The following COL5A2 variants were observed in gnomAD, a reference collection of about 807,000 sequenced individuals.
COL5A2 encodes the protein collagen type V alpha 2 chain.
COL5A2 carries 23 observed loss-of-function variants against 208.2 expected under a neutral mutation model. That is an observed-to-expected ratio of 0.11 (90% confidence interval 0.08 to 0.16). COL5A2 has a LOEUF of 0.16. COL5A2 is among the 10% of genes least tolerant of loss of function. COL5A2 has a pLI of 1.00. For synonymous variants in COL5A2, 625 were observed against 628.5 expected (o/e 0.99, Z 0.08); for missense variants, 1,590 against 1,956.4 (o/e 0.81, Z 3.53).
the COL5A2 span, among the ~76,000 whole-genome samples, chr2:189,242,561 G>T: frequency 1.3e-5 from 2 of 152,056 alleles, no homozygotes; most frequent in East Asian, 3.9e-4. Context: ...AACCCCATCT[G>T]CCCAAACCCT....
the COL5A2 span, among the ~76,000 whole-genome samples, chr2:189,238,789 G>A: frequency 5.9e-5 from 9 of 152,004 alleles, no homozygotes; most frequent in Admixed American, 5.9e-4. Flanking sequence ...AACAGCATGG[G>A]GGAAATGGCC....
intron 1 of COL5A2, among the ~76,000 whole-genome samples, chr2:189,166,387 C>T (rs561629776): frequency 1.2e-4 from 19 of 152,006 alleles, no homozygotes; most frequent in Admixed American, 1.1e-3. Context: ...CAGAGAACTA[C>T]CTATTCTGAA....
intron 13 of COL5A2, among the ~76,000 whole-genome samples, chr2:189,080,250 C>T (rs968888086): frequency 9.2e-5 from 14 of 152,148 alleles, no homozygotes; most frequent in African/African-American, 3.4e-4. Context: ...TTGCAGTGTT[C>T]TCACCCTTCA....
At position 189,050,658 on chromosome 2, in the gene COL5A2, CA is replaced by C; in HGVS notation, c.2949del (p.Gly984ValfsTer36). ...CTCTGCCCGGTCGTTCCAGCTGGAC[CA>C]GGGGGGCCATCTGGACCCTAATGTT... ...EDGQPGPDGP[P>X]GPAGTTGQRG... is the part of the protein sequence containing the mutation. On this transcript the variant is annotated frameshift_variant, in exon 43 of 54. Transcript: ENST00000374866. LOFTEE classifies it high-confidence loss of function. The C allele has an allele frequency of 6.4e-7, 1 of 1,552,248 alleles. No individual in the cohort carries two copies. The highest frequency in any genetic ancestry group is 2.4e-5 in the East Asian group (1 of 40,942).
chr2:189,396,689 A>G, the COL5A2 span, among the ~76,000 whole-genome samples: 1 of 126,182 alleles, frequency 7.9e-6, no homozygotes, highest in Non-Finnish European at 1.7e-5. Context: ...AAAAAAAAAA[A>G]AAGAATAAAT....
the COL5A2 span, among the ~76,000 whole-genome samples, chr2:189,256,615 G>T: frequency 2.6e-5 from 4 of 152,058 alleles, no homozygotes; most frequent in Admixed American, 6.5e-5. Flanking sequence ...AGGAAAATCT[G>T]GAGATCTTTG....
At chr2:189,257,955 A>C in the COL5A2 span, among the ~76,000 whole-genome samples, 4 of 152,078 alleles carry the variant, frequency 2.6e-5, no homozygotes, top group Non-Finnish European at 1.5e-5. Context: ...TCTACTAAAA[A>C]TACAAAAAAT....
chr2:189,108,941 T>C (rs1283304247), intron 2 of COL5A2, among the ~76,000 whole-genome samples: 1 of 149,214 alleles, frequency 6.7e-6, no homozygotes, highest in East Asian at 2.0e-4. Flanking sequence ...TTTATAGCCT[T>C]CTTTCTTAAA....
At chr2:189,364,356 A>G in the COL5A2 span, among the ~76,000 whole-genome samples, 39 of 152,314 alleles carry the variant, frequency 2.6e-4, no homozygotes, top group African/African-American at 8.7e-4. Context: ...CATATAGAAT[A>G]TAACAAAAAT....
intron 1 of COL5A2, among the ~76,000 whole-genome samples, chr2:189,136,380 T>C (rs189963736): frequency 6.6e-6 from 1 of 150,412 alleles, no homozygotes; most frequent in Non-Finnish European, 1.5e-5. Context: ...TATACTTATA[T>C]ATATGTAAAA....
the COL5A2 span, among the ~76,000 whole-genome samples, chr2:189,361,720 T>C: frequency 2.6e-5 from 4 of 152,122 alleles, no homozygotes; most frequent in Non-Finnish European, 5.9e-5. Flanking sequence ...TCCTTTGTGC[T>C]TAAGTGATTT....
the COL5A2 span, among the ~76,000 whole-genome samples, chr2:189,420,055 A>C: frequency 8.0e-6 from 1 of 124,874 alleles, no homozygotes; most frequent in Non-Finnish European, 1.7e-5. Flanking sequence ...AAGAGAGGGA[A>C]GGAAGGAAGG....
intron 2 of COL5A2, among the ~76,000 whole-genome samples, chr2:189,108,739 C>A (rs1265443629): frequency 1.3e-5 from 2 of 151,542 alleles, no homozygotes; most frequent in African/African-American, 4.8e-5. Flanking sequence ...CAGGGTTATC[C>A]CTTGCTTGCC....
chr2:189,264,013 T>C, the COL5A2 span, among the ~76,000 whole-genome samples: 3 of 152,174 alleles, frequency 2.0e-5, no homozygotes, highest in African/African-American at 7.2e-5. Context: ...AGATAAGTTT[T>C]AAATTAAGTA....
At chr2:189,204,022 C>T (rs1219375541) in intron 1 of COL5A2, among the ~76,000 whole-genome samples, 2 of 152,126 alleles carry the variant, frequency 1.3e-5, no homozygotes, top group Admixed American at 6.5e-5. Context: ...CTCAGCTTCC[C>T]GAGTAGCTGG....
At chr2:189,086,325 A>G (rs2105651910) in intron 9 of COL5A2, among the ~76,000 whole-genome samples, 1 of 152,342 alleles carries the variant, frequency 6.6e-6, no homozygotes, top group Non-Finnish European at 1.5e-5. Flanking sequence ...TAAAGATCCC[A>G]TGGAACAAAC....
chr2:189,382,990 G>GT, the COL5A2 span, among the ~76,000 whole-genome samples: 3 of 152,086 alleles, frequency 2.0e-5, no homozygotes, highest in East Asian at 3.9e-4. Flanking sequence ...TATCACAAGG[G>GT]TAGGGAATGT....
intron 1 of COL5A2, among the ~76,000 whole-genome samples, chr2:189,222,474 C>G (rs78473104): frequency 0.013 from 1,968 of 152,186 alleles, 50 homozygotes; most frequent in African/African-American, 0.044. Context: ...AACCCTTGTA[C>G]GTCAATGAAA....
At chr2:189,347,918 T>A in the COL5A2 span, among the ~76,000 whole-genome samples, 55 of 152,290 alleles carry the variant, frequency 3.6e-4, no homozygotes, top group Non-Finnish European at 6.2e-4. Flanking sequence ...TTTGGCTAAG[T>A]AAGTCCCAAT....
Sources: gnomAD v4.1 joint callset for allele counts (sites outside exome capture counted in the v4.1 genomes callset) on GRCh38, gnomAD v4.1.1 for gene constraint, MANE v1.5 for transcripts, NCBI Gene and HGNC (gene_info 2026-07-23, HGNC 2026-07-21) for gene names.